AKAP10: variants seen among roughly 807,000 people sequenced by gnomAD.
AKAP10 encodes the protein A-kinase anchoring protein 10.
In AKAP10, 24 loss-of-function variants were observed where a neutral mutation model predicts 80.8. The observed-to-expected ratio is 0.30, with a 90% confidence interval of 0.22 to 0.42. AKAP10 has a LOEUF of 0.42. Ranked by LOEUF, AKAP10 falls within the 10% of genes least tolerant of loss-of-function variation. The probability of loss-of-function intolerance (pLI) is 1.00; values close to 1 mark genes in which losing one functional copy is unlikely to be tolerated. For synonymous variants in AKAP10, 291 were observed against 277.7 expected, an observed-to-expected ratio of 1.05 and a Z score of -0.48; for missense variants, 661 against 794.9, an observed-to-expected ratio of 0.83 and a Z score of 2.03.
chr17:19,912,243 C>T (rs2042698878), intron 12 of AKAP10, among the ~76,000 whole-genome samples: 1 of 152,100 alleles, frequency 6.6e-6, no homozygotes, highest in African/African-American at 2.4e-5. Context: ...GGTGAAACCC[C>T]GTCTCTACTA....
At position 19,907,024 on chromosome 17, in the gene AKAP10, GT is replaced by G. The variant is rs771422153; in HGVS notation, c.1984-793del. 2.9e-3 allele frequency among the ~76,000 whole-genome samples: 405 copies of G among 138,736 alleles called. 15 individuals are homozygous for G. The East Asian group carries it at 0.075, about 26-fold the overall frequency. 91.0% of individuals were successfully genotyped at this position (138,736 alleles called of 152,430 possible). A position where few individuals can be genotyped will look rare whatever the true frequency, so the allele number is the denominator to read the frequency against. On this transcript the variant is annotated intron_variant, in intron 14 of 14. Coordinates refer to ENST00000225737, the MANE Select transcript of AKAP10 (RefSeq NM_007202.4). ...TTCTTCGAGTCTACTGTTTTTTTTTGTTTTTTTTTTGAGACGGAGTTTCACT... is the reference window on the plus strand; with the variant it reads ...TTCTTCGAGTCTACTGTTTTTTTTTGTTTTTTTTTGAGACGGAGTTTCACT...
chr17:19,951,291 G>A (rs1289333795), intron 4 of AKAP10, among the ~76,000 whole-genome samples: 3 of 129,960 alleles, frequency 2.3e-5, no homozygotes, highest in African/African-American at 2.9e-5. Context: ...GGGCGCCTCC[G>A]CCCGGCCACT....
intron 14 of AKAP10, among the ~76,000 whole-genome samples, chr17:19,907,510 C>T (rs1361233856): frequency 1.3e-5 from 2 of 151,652 alleles, no homozygotes; most frequent in Non-Finnish European, 2.9e-5. Flanking sequence ...CTCCACCTCC[C>T]GGGTTCAAGT....
chr17:19,969,714 G>A (rs968376546), intron 1 of AKAP10, among the ~76,000 whole-genome samples: 1 of 152,140 alleles, frequency 6.6e-6, no homozygotes, highest in African/African-American at 2.4e-5. Flanking sequence ...ACTGTTGAGT[G>A]CTTGGTATGT....
At chr17:19,920,244 GTAATT>G (rs1442892429) in intron 11 of AKAP10, 126 bp from the exon 12 acceptor site, 1 of 623,418 alleles carries the variant, frequency 1.6e-6, no homozygotes, top group African/African-American at 1.9e-5. Flanking sequence ...GCTATCCTAA[GTAATT>G]TAAAGTAGGG....
intron 8 of AKAP10, among the ~76,000 whole-genome samples, chr17:19,938,672 C>G (rs2043019505): frequency 1.3e-5 from 2 of 152,094 alleles, no homozygotes; most frequent in South Asian, 4.1e-4. Flanking sequence ...GGACTTTTCT[C>G]TATCCCCAAG....
At chr17:19,920,194 C>G in intron 11 of AKAP10, 76 bp from the exon 12 acceptor site, 2 of 1,112,986 alleles carry the variant, frequency 1.8e-6, no homozygotes, top group South Asian at 2.7e-5. Context: ...CAATTTAAAG[C>G]GTTTCATCTA....
chr17:19,932,354 G>C (rs1266843012), intron 9 of AKAP10, among the ~76,000 whole-genome samples: 1 of 151,256 alleles, frequency 6.6e-6, no homozygotes, highest in African/African-American at 2.4e-5. Context: ...CGGGAGGCCT[G>C]AGGCAGGAGA....
intron 3 of AKAP10, among the ~76,000 whole-genome samples, chr17:19,960,978 A>C (rs941731002): frequency 1.3e-5 from 2 of 151,588 alleles, no homozygotes; most frequent in Non-Finnish European, 2.9e-5. Flanking sequence ...GTGAGCCAAA[A>C]ATTGGGCCAC....
chr17:19,940,862 G>A (rs745412796), intron 7 of AKAP10, 25 bp downstream of exon 7: 1 of 1,579,362 alleles, frequency 6.3e-7, no homozygotes, highest in East Asian at 2.3e-5. Context: ...CTCGAATAGA[G>A]TGTGAAAAGA....
intron 12 of AKAP10, among the ~76,000 whole-genome samples, chr17:19,911,637 G>A (rs994628160): frequency 2.6e-5 from 4 of 151,536 alleles, no homozygotes; most frequent in African/African-American, 4.8e-5. Flanking sequence ...TCAGGAGTTC[G>A]AGACCAGCCA....
intron 4 of AKAP10, among the ~76,000 whole-genome samples, chr17:19,951,417 C>T (rs1332010533): frequency 2.6e-5 from 4 of 152,286 alleles, no homozygotes; most frequent in South Asian, 4.1e-4. Context: ...TCATTGAGAA[C>T]GGGCCATGAT....
chr17:19,906,378 G>T, intron 14 of AKAP10, 146 bp from the exon 15 acceptor site: 1 of 817,300 alleles, frequency 1.2e-6, no homozygotes, highest in Non-Finnish European at 1.9e-6. Flanking sequence ...ATTTTGTGAG[G>T]TAAAATATTG....
intron 4 of AKAP10, 95 bp downstream of exon 4, chr17:19,957,919 T>C: frequency 1.5e-6 from 2 of 1,316,116 alleles, no homozygotes; most frequent in East Asian, 2.3e-5. Flanking sequence ...AAAAAAAATA[T>C]TCCAATCATT....
chr17:19,908,252 C>T (rs2042652462), intron 14 of AKAP10, among the ~76,000 whole-genome samples: 1 of 152,196 alleles, frequency 6.6e-6, no homozygotes, highest in South Asian at 2.1e-4. Flanking sequence ...TTTTGGCATG[C>T]AGTTGTTAGG....
chr17:19,946,657 CT>C (rs35156168), intron 5 of AKAP10, among the ~76,000 whole-genome samples: 1,233 of 111,146 alleles, frequency 0.011, 1 homozygote, highest in Middle Eastern at 0.021. Context: ...ATAAGAAAAA[CT>C]TTTTTTTTTT....
In AKAP10 at chr17:19,909,418, C is replaced by T. The variant is rs1346027282; in HGVS notation, c.1888-142G>A. 4 of 690,192 alleles carry T rather than the reference C, an allele frequency of 5.8e-6. No homozygotes were observed. In the East Asian group the frequency reaches 1.2e-4, roughly 20 times the overall value. The allele number at this position is 690,192 out of a possible 1,614,324, so 42.8% of individuals were successfully genotyped here. ...AATTTCATTCCCATGTACGAAAAAA[C>T]CTGGGCCACCCTCTGGCTATGAATA... On this transcript the variant is annotated intron_variant, in intron 13 of 14. Transcript: ENST00000225737.
intron 1 of AKAP10, among the ~76,000 whole-genome samples, chr17:19,975,628 A>G (rs1425387334): frequency 6.6e-6 from 1 of 152,230 alleles, no homozygotes; most frequent in Non-Finnish European, 1.5e-5. Flanking sequence ...ACACACTTAC[A>G]TGGAGCGAAA....
chr17:19,928,305 G>T (rs1214463380), intron 10 of AKAP10, among the ~76,000 whole-genome samples: 1 of 152,100 alleles, frequency 6.6e-6, no homozygotes, highest in Non-Finnish European at 1.5e-5. Flanking sequence ...TAGAACAAAG[G>T]CCAATAAGCA....
Sources: allele counts gnomAD v4.1 joint callset (sites outside exome capture counted in the v4.1 genomes callset), GRCh38; gene constraint gnomAD v4.1.1; transcripts MANE v1.5; gene names NCBI Gene and HGNC (gene_info 2026-07-23, HGNC 2026-07-21).